MGAT4C: variants seen among roughly 807,000 people sequenced by gnomAD.
MGAT4C encodes MGAT4 family member C.
In MGAT4C, 19 loss-of-function variants were observed where a neutral mutation model predicts 40.1. The ratio of observed to expected loss-of-function variants is 0.47; its 90% CI spans 0.33 to 0.70. MGAT4C has a LOEUF of 0.70. MGAT4C is among the 30% of genes least tolerant of loss of function. The pLI is 0.02. For missense variants in MGAT4C, 491 were observed against 563.2 expected (o/e 0.87, Z 1.30); for synonymous variants, 181 against 187.1 (o/e 0.97, Z 0.27).
At chr12:86,653,504 C>A (rs1963755605) in intron 2 of MGAT4C, among the ~76,000 whole-genome samples, 3 of 151,832 alleles carry the variant, frequency 2.0e-5, no homozygotes, top group East Asian at 3.9e-4. Context: ...ATGCTCATAC[C>A]TAGCTGTATA....
intron 2 of MGAT4C, among the ~76,000 whole-genome samples, chr12:86,626,995 A>C (rs1386165590): frequency 6.6e-6 from 1 of 152,202 alleles, no homozygotes; most frequent in Non-Finnish European, 1.5e-5. Context: ...CTGTACCAGG[A>C]ATATCGGGAC....
At chr12:86,584,609 T>C (rs570891462) in intron 2 of MGAT4C, among the ~76,000 whole-genome samples, 8 of 151,372 alleles carry the variant, frequency 5.3e-5, no homozygotes, top group African/African-American at 1.7e-4. Flanking sequence ...AGTATTTCTA[T>C]GTGATTAAAC....
chr12:86,681,101 T>A (rs532389895), intron 2 of MGAT4C, among the ~76,000 whole-genome samples: 1 of 152,012 alleles, frequency 6.6e-6, no homozygotes, highest in East Asian at 1.9e-4. Context: ...TATTACTTAG[T>A]AATTTCTGTG....
intron 3 of MGAT4C, among the ~76,000 whole-genome samples, chr12:86,423,194 A>AAGT (rs973055994): frequency 6.6e-6 from 1 of 152,110 alleles, no homozygotes; most frequent in African/African-American, 2.4e-5. Context: ...AGACTAAAAA[A>AAGT]AGTTTCTATT....
At chr12:86,710,823 G>C (rs920428970) in intron 2 of MGAT4C, among the ~76,000 whole-genome samples, 1 of 152,086 alleles carries the variant, frequency 6.6e-6, no homozygotes, top group Non-Finnish European at 1.5e-5. Context: ...AGAACATGTG[G>C]TATATATACA....
At chr12:86,215,715 G>T (rs1014210533) in intron 1 of MGAT4C, among the ~76,000 whole-genome samples, 1 of 151,662 alleles carries the variant, frequency 6.6e-6, no homozygotes, top group Non-Finnish European at 1.5e-5. Context: ...TTCTTTCCTC[G>T]GATAAACTCT....
At chr12:86,172,722 C>T (rs1451726619) in intron 1 of MGAT4C, among the ~76,000 whole-genome samples, 2 of 151,958 alleles carry the variant, frequency 1.3e-5, no homozygotes, top group East Asian at 3.9e-4. Flanking sequence ...AGCAAAGAGA[C>T]CACTTTACAG....
At chr12:86,624,223 T>A (rs1962727832) in intron 2 of MGAT4C, among the ~76,000 whole-genome samples, 1 of 152,202 alleles carries the variant, frequency 6.6e-6, no homozygotes, top group African/African-American at 2.4e-5. Flanking sequence ...CAAAATGAGA[T>A]GTCCACAGGG....
chr12:86,342,547 T>G (rs1030961582), intron 3 of MGAT4C, among the ~76,000 whole-genome samples: 1 of 152,150 alleles, frequency 6.6e-6, no homozygotes, highest in Admixed American at 6.5e-5. Flanking sequence ...AGGAGAGGTG[T>G]CAGTCTGTCT....
chr12:86,146,780 T>C (rs577055303), intron 1 of MGAT4C, among the ~76,000 whole-genome samples: 13 of 152,082 alleles, frequency 8.5e-5, no homozygotes, highest in African/African-American at 1.2e-4. Flanking sequence ...CCCTTTACAA[T>C]TGGACAACAA....
chr12:86,700,961 A>C (rs1455489031), intron 2 of MGAT4C, among the ~76,000 whole-genome samples: 1 of 152,120 alleles, frequency 6.6e-6, no homozygotes, highest in African/African-American at 2.4e-5. Flanking sequence ...AATATAATGT[A>C]AACTTTTCCA....
intron 1 of MGAT4C, among the ~76,000 whole-genome samples, chr12:86,750,681 G>A (rs959960913): frequency 6.6e-6 from 1 of 151,944 alleles, no homozygotes; most frequent in Non-Finnish European, 1.5e-5. Flanking sequence ...TGTTATGCTA[G>A]TTACTAATAT....
intron 1 of MGAT4C, among the ~76,000 whole-genome samples, chr12:86,138,553 CATGTATATATTTCCATAGATATAT>C (rs1882348677): frequency 6.9e-6 from 1 of 145,378 alleles, no homozygotes; most frequent in Admixed American, 6.9e-5. Flanking sequence ...ATAGATATAT[CATGTATATATTTCCATAGATATAT>C]CATATATATA....
intron 2 of MGAT4C, among the ~76,000 whole-genome samples, chr12:86,030,162 A>G (rs897396943): frequency 6.6e-6 from 1 of 151,720 alleles, no homozygotes; most frequent in Non-Finnish European, 1.5e-5. Context: ...GATTGAAATA[A>G]TTTTCCCATG....
chr12:86,589,829 T>C (rs1209903294), intron 2 of MGAT4C, among the ~76,000 whole-genome samples: 5 of 151,900 alleles, frequency 3.3e-5, no homozygotes, highest in Non-Finnish European at 7.4e-5. Flanking sequence ...ATAGGCTCCA[T>C]GTTTTAAAGC....
intron 2 of MGAT4C, among the ~76,000 whole-genome samples, chr12:86,601,549 T>C (rs1193130545): frequency 6.6e-6 from 1 of 152,068 alleles, no homozygotes; most frequent in Non-Finnish European, 1.5e-5. Context: ...CTTCCCCACC[T>C]TGCTCACCCT....
chr12:86,500,808 TAAACAC>T (rs965419189), intron 2 of MGAT4C, among the ~76,000 whole-genome samples: 4 of 152,106 alleles, frequency 2.6e-5, no homozygotes, highest in South Asian at 2.1e-4. Context: ...TGCATTAATA[TAAACAC>T]AAAAATCTGA....
chr12:86,344,717 GGTGTGTGTGT>G (rs71076188), intron 3 of MGAT4C, among the ~76,000 whole-genome samples: 147 of 139,510 alleles, frequency 1.1e-3, no homozygotes, highest in Middle Eastern at 3.5e-3. Context: ...ATCTCTTCTC[GGTGTGTGTGT>G]GTGTGTGTGT....
chr12:86,689,876 C>T (rs904442703), intron 2 of MGAT4C, among the ~76,000 whole-genome samples: 1 of 152,172 alleles, frequency 6.6e-6, no homozygotes, highest in African/African-American at 2.4e-5. Flanking sequence ...TCAGAGCTGG[C>T]AGGCAGGAAT....
Sources: allele counts gnomAD v4.1 joint callset (sites outside exome capture counted in the v4.1 genomes callset), GRCh38; gene constraint gnomAD v4.1.1; transcripts MANE v1.5; gene names NCBI Gene and HGNC (gene_info 2026-07-23, HGNC 2026-07-21).